The following MRPL35 variants were observed in gnomAD, a reference collection of about 807,000 sequenced individuals.
MRPL35 encodes the protein mitochondrial ribosomal protein L35, also known as large ribosomal subunit protein bL35m.
A neutral mutation model predicts 21.6 loss-of-function variants in MRPL35; 18 were observed. The observed-to-expected ratio is 0.83, with a 90% confidence interval of 0.58 to 1.24. The LOEUF is 1.24. Ranked by LOEUF, MRPL35 falls within the 50% of genes most tolerant of loss-of-function variation. The probability of loss-of-function intolerance (pLI) is 0.00; values close to 1 mark genes in which losing one functional copy is unlikely to be tolerated. For synonymous variants in MRPL35, 87 were observed against 86.9 expected (o/e 1.00, Z -0.01); for missense variants, 223 against 223.2 (o/e 1.00, Z 0.01).
At chr2:86,203,852 C>T (rs1465570922) in intron 1 of MRPL35, among the ~76,000 whole-genome samples, 1 of 152,190 alleles carries the variant, frequency 6.6e-6, no homozygotes, top group Admixed American at 6.5e-5. Context: ...AGAATATGAG[C>T]CCAAATCATC....
Position 86,211,411 on chromosome 2 carries a change from C to A in MRPL35, c.*743C>A. The A allele has an allele frequency of 1.0e-6, 1 of 985,374 alleles. No individual in the cohort carries two copies. Among genetic ancestry groups the A allele is most frequent in the South Asian group, 4.7e-5 (1 of 21,276 alleles). The allele number at this position is 985,374 out of a possible 1,614,324, so 61.0% of individuals were successfully genotyped here. On this transcript the variant is annotated 3_prime_UTR_variant, in exon 4 of 4. Coordinates refer to ENST00000337109, the MANE Select transcript of MRPL35 (RefSeq NM_016622.4). The stretch of plus-strand genomic sequence containing the variant: ...GAGTAGGGATTGGCTGTCCTTAAGT[C>A]AGGAGCCCGCTTTGTATTAGCAGGT...
chr2:86,202,437 G>A (rs1367165777), intron 1 of MRPL35, among the ~76,000 whole-genome samples: 1 of 152,048 alleles, frequency 6.6e-6, no homozygotes, highest in East Asian at 1.9e-4. Context: ...TAAAAATTGA[G>A]AACAAAAGAA....
At chr2:86,208,791 G>A (rs376870829) in intron 3 of MRPL35, among the ~76,000 whole-genome samples, 192 of 152,026 alleles carry the variant, frequency 1.3e-3, no homozygotes, top group African/African-American at 4.5e-3. Flanking sequence ...CAGGGCTCCC[G>A]AAAGTATACC....
chr2:86,210,415 T>G, intron 3 of MRPL35, 65 bp from the exon 4 acceptor site: 2 of 1,354,124 alleles, frequency 1.5e-6, no homozygotes, highest in Non-Finnish European at 2.0e-6. Context: ...AAACCTTGAG[T>G]TGTGAAGATA....
Position 86,213,645 on chromosome 2 carries a change from G to A in MRPL35, c.*2977G>A. On this transcript the variant is annotated 3_prime_UTR_variant, in exon 4 of 4. Coordinates refer to ENST00000337109, the MANE Select transcript of MRPL35 (RefSeq NM_016622.4). ...CTGCACAGGCACTCCCCCATTTGCA[G>A]ATGAAGAAATGTTCAGAGAAGAAAA... 1 of 1,550,502 alleles carries A rather than the reference G, an allele frequency of 6.4e-7. No individual in the cohort carries two copies. The highest frequency in any genetic ancestry group is 1.4e-5 in the African/African-American group (1 of 73,170).
Position 86,207,301 on chromosome 2 carries a change from C to T in MRPL35, c.352C>T (p.His118Tyr), listed in dbSNP as rs771554355. 10 of 1,613,608 alleles carry T rather than the reference C, an allele frequency of 6.2e-6. No homozygotes were observed. The highest frequency in any genetic ancestry group is 8.5e-6 in the Non-Finnish European group (10 of 1,179,778). Reference protein sequence around the residue: ...KAVIDRFLRLHCGLWVRRKAG... With the variant: ...KAVIDRFLRLYCGLWVRRKAG... Reference sequence around the variant, plus strand: ...TGTCATCGATAGGTTTCTTCGACTTCATTGTGGCCTTTGGGTGAGGAGAAA... The same window carrying T: ...TGTCATCGATAGGTTTCTTCGACTTTATTGTGGCCTTTGGGTGAGGAGAAA... The change falls in exon 3 of 4, where the codon CAT becomes TAT. Residue 118 changes from histidine to tyrosine, a missense_variant. Physicochemically the swap from His to Tyr is moderately conservative, Grantham distance 83. Coordinates refer to ENST00000337109, the MANE Select transcript of MRPL35 (RefSeq NM_016622.4).
At chr2:86,208,989 G>C (rs1673853576) in intron 3 of MRPL35, among the ~76,000 whole-genome samples, 1 of 152,118 alleles carries the variant, frequency 6.6e-6, no homozygotes, top group Non-Finnish European at 1.5e-5. Flanking sequence ...AAAATTTCAA[G>C]CATTTTCATA....
intron 3 of MRPL35, among the ~76,000 whole-genome samples, chr2:86,207,969 T>C (rs572889710): frequency 1.3e-4 from 20 of 152,366 alleles, no homozygotes; most frequent in Admixed American, 1.0e-3. Flanking sequence ...ATTTAGTAAC[T>C]GCCCAAATCC....
chr2:86,205,579 C>T (rs2103910223), intron 1 of MRPL35, among the ~76,000 whole-genome samples: 1 of 152,276 alleles, frequency 6.6e-6, no homozygotes, highest in Middle Eastern at 3.4e-3. Flanking sequence ...TGTTTCAGTC[C>T]CCATGCCTTT....
chr2:86,202,176 C>G (rs1261874397), intron 1 of MRPL35, among the ~76,000 whole-genome samples: 1 of 152,206 alleles, frequency 6.6e-6, no homozygotes, highest in Admixed American at 6.5e-5. Flanking sequence ...GATAGAGCCT[C>G]CCCACATATT....
intron 1 of MRPL35, among the ~76,000 whole-genome samples, chr2:86,204,615 A>G: frequency 6.6e-6 from 1 of 152,130 alleles, no homozygotes. Flanking sequence ...TAGTCTGGCC[A>G]TAGTGGGAAG....
chr2:86,199,718 TCA>T (rs1673648660), intron 1 of MRPL35, among the ~76,000 whole-genome samples, 185 bp downstream of exon 1: 1 of 152,210 alleles, frequency 6.6e-6, no homozygotes, highest in African/African-American at 2.4e-5. Flanking sequence ...CGACTCGGAC[TCA>T]CGCGGGCCTG....
Position 86,210,445 on chromosome 2 carries a change from T to C in MRPL35, c.379-35T>C, listed in dbSNP as rs894094327. On this transcript the variant is annotated intron_variant, in intron 3 of 3. Transcript: ENST00000337109. ...AAGATACCTGTTGTTTCATACATAG[T>C]ATGATGTTTTACATTTCTTTGTAAT... is the stretch of plus-strand genomic sequence containing the variant. The C allele has an allele frequency of 1.0e-5, 16 of 1,557,818 alleles. No homozygotes were observed. In the African/African-American group the frequency reaches 2.2e-4, roughly 22 times the overall value.
intron 2 of MRPL35, 144 bp from the exon 3 acceptor site, chr2:86,207,039 C>T (rs1673811901): frequency 1.3e-6 from 1 of 769,340 alleles, no homozygotes; most frequent in Non-Finnish European, 2.0e-6. Flanking sequence ...TGCTTAATGT[C>T]ATGGGTCATT....
intron 1 of MRPL35, among the ~76,000 whole-genome samples, chr2:86,200,226 G>A (rs551249531): frequency 2.6e-5 from 4 of 152,142 alleles, no homozygotes; most frequent in East Asian, 1.9e-4. Context: ...GAGAATATAC[G>A]AGATCAGTCA....
chr2:86,206,154 G>C lies in MRPL35; in HGVS notation c.92G>C (p.Cys31Ser), dbSNP rs1420775517. The stretch of plus-strand genomic sequence containing the variant: ...TTGGCATCTTCAACCTACCGCAACT[G>C]TGTCAAGAATGCCTCTCTTATTTCT... Reference protein sequence around the residue: ...NILASSTYRNCVKNASLISAL... With the variant: ...NILASSTYRNSVKNASLISAL... Residue 31 changes from cysteine (C) to serine (S), a missense_variant, in exon 2 of 4, where the codon TGT becomes TCT. Cys to Ser is a moderately radical substitution (Grantham distance 112). Coordinates refer to ENST00000337109, the MANE Select transcript of MRPL35 (RefSeq NM_016622.4). 2.5e-6 allele frequency: 4 copies of C among 1,613,978 alleles called. No individual in the cohort carries two copies. The South Asian group carries it at 3.3e-5, about 13-fold the overall frequency.
intron 1 of MRPL35, among the ~76,000 whole-genome samples, chr2:86,200,741 C>A (rs1282636344): frequency 2.0e-5 from 3 of 151,528 alleles, no homozygotes; most frequent in Non-Finnish European, 4.4e-5. Context: ...TGCAATGGCA[C>A]GATCTGGGCT....
rs1220249241 is a variant in MRPL35 at position 86,212,699 on chromosome 2, C to T, written c.*2031C>T. Reference sequence around the variant, plus strand: ...CAGAGCCTCAGCATCCAAAGATGGACTGAAGTGGGATGGCTGACAGGCACA... The same window carrying T: ...CAGAGCCTCAGCATCCAAAGATGGATTGAAGTGGGATGGCTGACAGGCACA... On this transcript the variant is annotated 3_prime_UTR_variant, in exon 4 of 4. Coordinates refer to ENST00000337109, the MANE Select transcript of MRPL35 (RefSeq NM_016622.4). The T allele has an allele frequency of 2.5e-6, 3 of 1,220,264 alleles. No homozygotes were observed. Among genetic ancestry groups the T allele is most frequent in the Non-Finnish European group, 3.1e-6 (3 of 979,338 alleles). The allele number at this position is 1,220,264 out of a possible 1,614,324, so 75.6% of individuals were successfully genotyped here.
At chr2:86,204,962 G>A (rs1462190858) in intron 1 of MRPL35, among the ~76,000 whole-genome samples, 2 of 152,210 alleles carry the variant, frequency 1.3e-5, no homozygotes, top group African/African-American at 4.8e-5. Context: ...TCTGAGGCCG[G>A]GCACGGTGGC....
Sources: gnomAD v4.1 joint callset for allele counts (sites outside exome capture counted in the v4.1 genomes callset) on GRCh38, gnomAD v4.1.1 for gene constraint, MANE v1.5 for transcripts, NCBI Gene and HGNC (gene_info 2026-07-23, HGNC 2026-07-21) for gene names.